Variants in SLC1A7 observed in about 807,000 individuals in gnomAD.
SLC1A7 encodes the protein solute carrier family 1 member 7.
SLC1A7 carries 40 observed loss-of-function variants against 47.7 expected under a neutral mutation model. The observed-to-expected ratio is 0.84, with a 90% CI of 0.65 to 1.09. The LOEUF (loss-of-function observed/expected upper bound fraction) is 1.09. SLC1A7 is among the 50% of genes least tolerant of loss of function. The probability of loss-of-function intolerance (pLI) is 0.00; values close to 1 mark genes in which losing one functional copy is unlikely to be tolerated. For missense variants in SLC1A7, 746 were observed against 769.5 expected (o/e 0.97, Z 0.36); for synonymous variants, 323 against 325.6 (o/e 0.99, Z 0.09).
chr1:53,139,748 A>T (rs1212487816), intron 1 of SLC1A7, among the ~76,000 whole-genome samples: 1 of 151,988 alleles, frequency 6.6e-6, no homozygotes, highest in Non-Finnish European at 1.5e-5. Flanking sequence ...AATTTGTTGT[A>T]GCCTCTCTAT....
rs757507153 is a variant in SLC1A7 at position 53,142,357 on chromosome 1, G to A, written c.93C>T (p.Cys31=). 3.2e-6 allele frequency: 5 copies of A among 1,585,902 alleles called. No individual in the cohort carries two copies. The highest frequency in any genetic ancestry group is 3.4e-6 in the Non-Finnish European group (4 of 1,165,456). The change falls in exon 1 of 11, where the codon TGC becomes TGT. Residue 31 remains cysteine (C), a synonymous_variant. Coordinates refer to ENST00000371494, the MANE Select transcript of SLC1A7 (RefSeq NM_006671.6). The stretch of plus-strand genomic sequence containing the variant: ...GGGTCCTCAAGAAGAAGCCGAGGAG[G>A]CAGCCCACGATGACAGACAGCACAG... The part of the protein sequence containing the change: ...ILSVLSVIVG[C]LLGFFLRTRR...
At chr1:53,097,594 C>G (rs72670860) in intron 5 of SLC1A7, among the ~76,000 whole-genome samples, 14,718 of 151,258 alleles carry the variant, frequency 0.097, 963 homozygotes, top group Non-Finnish European at 0.14. Context: ...CACATACTGC[C>G]TCGGTACACT....
At chr1:53,128,247 G>A (rs1487861412) in intron 2 of SLC1A7, among the ~76,000 whole-genome samples, 2 of 152,180 alleles carry the variant, frequency 1.3e-5, no homozygotes, top group East Asian at 3.9e-4. Context: ...GGCCAAGGCA[G>A]GAGGATGCCT....
At chr1:53,139,802 G>A (rs956515040) in intron 1 of SLC1A7, among the ~76,000 whole-genome samples, 6 of 151,550 alleles carry the variant, frequency 4.0e-5, no homozygotes, top group African/African-American at 9.7e-5. Context: ...TTTATTCTTG[G>A]TGGTTTTACC....
chr1:53,129,996 A>C (rs1644926467), intron 2 of SLC1A7, among the ~76,000 whole-genome samples: 1 of 152,150 alleles, frequency 6.6e-6, no homozygotes, highest in Non-Finnish European at 1.5e-5. Context: ...GCTCTTCCGA[A>C]TAGGGATACT....
rs116043953 is a variant in SLC1A7, at chr1:53,103,862, G to C, written c.475-294C>G. Reference sequence around the variant, plus strand: ...TGGGTCCCTCTTAACTGCCTGCCCAGCCCCTTATCCACCCAAGTAACCCTT... The same window carrying C: ...TGGGTCCCTCTTAACTGCCTGCCCACCCCCTTATCCACCCAAGTAACCCTT... On this transcript the variant is annotated intron_variant, in intron 4 of 10. Coordinates refer to ENST00000371494, the MANE Select transcript of SLC1A7 (RefSeq NM_006671.6). Among the ~76,000 whole-genome samples, 536 of 151,956 alleles carry C rather than the reference G, an allele frequency of 3.5e-3. 5 individuals are homozygous for C. Among genetic ancestry groups the C allele is most frequent in the African/African-American group, 0.012 (513 of 41,416 alleles).
rs1289202422 is a variant in SLC1A7, at chr1:53,096,510, TCA to T, written c.698-2952_698-2951del. Among the ~76,000 whole-genome samples the T allele has an allele frequency of 3.4e-5, 5 of 145,464 alleles. No homozygotes were observed. In the South Asian group the frequency reaches 1.1e-3, roughly 32 times the overall value. ...ACTCACACACTCCACCTCGGTACAC[TCA>T]CACGCACATAAACCCCAGCTCAGTA... On this transcript the variant is annotated intron_variant, in intron 5 of 10. Coordinates refer to ENST00000371494, the MANE Select transcript of SLC1A7 (RefSeq NM_006671.6).
At chr1:53,127,353 A>C (rs1443772011) in intron 2 of SLC1A7, among the ~76,000 whole-genome samples, 3 of 152,180 alleles carry the variant, frequency 2.0e-5, no homozygotes, top group Non-Finnish European at 4.4e-5. Flanking sequence ...ATTCAGAAGA[A>C]AGTTCTTGAT....
rs1644607911 is a variant in SLC1A7 at position 53,103,548 on chromosome 1, T to C, written c.495A>G (p.Pro165=). Residue 165 remains proline, a synonymous_variant, in exon 5 of 11, where the codon CCA becomes CCG. Transcript: ENST00000371494. ...TFKQYRTKTT[P]VVKSPKVAPE... ...GTGCCACCTTGGGGGACTTGACAAC[T>C]GGGGTGGTCTTGGTGCGGTACTGGT... 1 of 1,603,414 alleles carries C rather than the reference T, an allele frequency of 6.2e-7. No homozygotes were observed. The highest frequency in any genetic ancestry group is 8.5e-7 in the Non-Finnish European group (1 of 1,174,176).
chr1:53,090,601 T>C lies in SLC1A7; in HGVS notation c.1226+11A>G. On this transcript the variant is annotated intron_variant, in intron 8 of 10. Coordinates refer to ENST00000371494, the MANE Select transcript of SLC1A7 (RefSeq NM_006671.6). ...CCGCCCCATCCACCCAGGTGCAGTG[T>C]CAGGGTGCACCTGATGGTGATGATC... 1 of 1,568,082 alleles carries C rather than the reference T, an allele frequency of 6.4e-7. No homozygotes were observed. Among genetic ancestry groups the C allele is most frequent in the Admixed American group, 1.7e-5 (1 of 57,990 alleles).
intron 7 of SLC1A7, 39 bp downstream of exon 7, chr1:53,092,515 C>G (rs776588366): frequency 1.4e-6 from 2 of 1,475,986 alleles, no homozygotes; most frequent in South Asian, 2.3e-5. Flanking sequence ...GGCTCAGCCC[C>G]TCCCAGCTCC....
intron 5 of SLC1A7, among the ~76,000 whole-genome samples, 162 bp from the exon 6 acceptor site, chr1:53,093,722 C>T (rs1260552020): frequency 1.1e-5 from 1 of 91,658 alleles, no homozygotes; most frequent in African/African-American, 3.9e-5. Flanking sequence ...ACTACCGATC[C>T]CACAGTGCTC....
intron 2 of SLC1A7, among the ~76,000 whole-genome samples, chr1:53,129,502 T>C (rs1626215): frequency 0.94 from 128,620 of 137,352 alleles, 60,043 homozygotes; most frequent in African/African-American, 0.95. Context: ...CTGCACTCAG[T>C]TGGACTGAAG....
chr1:53,126,076 C>T (rs1057044328), intron 2 of SLC1A7, among the ~76,000 whole-genome samples: 8 of 152,228 alleles, frequency 5.3e-5, no homozygotes, highest in African/African-American at 1.7e-4. Flanking sequence ...TCATTCAAGA[C>T]AGTTTCCCTT....
Position 53,092,852 on chromosome 1 carries a change from G to T in SLC1A7, c.798-65C>A, listed in dbSNP as rs563529899. The T allele has an allele frequency of 1.9e-5, 20 of 1,046,586 alleles. No individual in the cohort carries two copies. In the South Asian group the frequency reaches 2.4e-4, roughly 12 times the overall value. The allele number at this position is 1,046,586 out of a possible 1,614,324, so 64.8% of individuals were successfully genotyped here. A position where few individuals can be genotyped will look rare whatever the true frequency, so the allele number is the denominator to read the frequency against. The stretch of plus-strand genomic sequence containing the variant: ...GCAGACACACCCCGGCCCCAGCCCC[G>T]CATCGCTGCGCGGCCTTCCCCCTGA... On this transcript the variant is annotated intron_variant, in intron 6 of 10. Transcript: ENST00000371494.
chr1:53,093,715 A>C (rs1347390228), intron 5 of SLC1A7, among the ~76,000 whole-genome samples, 155 bp from the exon 6 acceptor site: 2 of 131,378 alleles, frequency 1.5e-5, no homozygotes, highest in Non-Finnish European at 1.6e-5. Context: ...CCACTCTACT[A>C]CCGATCCCAC....
intron 5 of SLC1A7, among the ~76,000 whole-genome samples, chr1:53,100,810 G>A (rs56898526): frequency 0.021 from 2,920 of 137,622 alleles, 88 homozygotes; most frequent in African/African-American, 0.069. Flanking sequence ...TCACACACCC[G>A]CCTCAGTACA....
chr1:53,140,965 C>A (rs1456290155), intron 1 of SLC1A7, among the ~76,000 whole-genome samples: 1 of 152,168 alleles, frequency 6.6e-6, no homozygotes, highest in Non-Finnish European at 1.5e-5. Flanking sequence ...TAATGCCTGA[C>A]CCCAGTTGTA....
At chr1:53,112,447 G>A (rs1216792924) in intron 3 of SLC1A7, among the ~76,000 whole-genome samples, 1 of 152,222 alleles carries the variant, frequency 6.6e-6, no homozygotes, top group African/African-American at 2.4e-5. Flanking sequence ...GTTGTTTTAA[G>A]CTGATAAATG....
Sources: gnomAD v4.1 joint callset for allele counts (sites outside exome capture counted in the v4.1 genomes callset) on GRCh38, gnomAD v4.1.1 for gene constraint, MANE v1.5 for transcripts, NCBI Gene and HGNC (gene_info 2026-07-23, HGNC 2026-07-21) for gene names.